The following CCAR2 variants were observed in gnomAD, a reference collection of about 807,000 sequenced individuals.
CCAR2 encodes the protein cell cycle and apoptosis regulator 2, also known as cell cycle and apoptosis regulator protein 2.
In CCAR2, 21 loss-of-function variants were observed where a neutral mutation model predicts 108.1. That is an observed-to-expected ratio of 0.19 (90% confidence interval 0.14 to 0.28). The LOEUF is 0.28. Among genes scored for constraint, CCAR2 ranks in the 10% least tolerant of loss-of-function variants. The pLI, the probability that CCAR2 is intolerant of heterozygous loss-of-function variation, is 1.00. For missense variants in CCAR2, 1,126 were observed against 1,177.0 expected (o/e 0.96, Z 0.63); for synonymous variants, 577 against 472.8 (o/e 1.22, Z -2.86).
chr8:22,618,223 T>A, intron 16 of CCAR2, 126 bp from the exon 17 acceptor site: 1 of 1,278,646 alleles, frequency 7.8e-7, no homozygotes, highest in Non-Finnish European at 1.1e-6. Context: ...CCCCAGCAGC[T>A]GGGACTTCAG....
rs978504351 is a variant in CCAR2 at position 22,619,730 on chromosome 8, G to A, written c.*48G>A. On this transcript the variant is annotated 3_prime_UTR_variant, in exon 21 of 21. Coordinates refer to ENST00000308511, the MANE Select transcript of CCAR2 (RefSeq NM_001393997.1). ...CCTGTGAGGGCAGCGGTGGCGCCCG[G>A]CAAAGTTGGAGCCCTTGCGGTACCA... 2.6e-6 allele frequency: 4 copies of A among 1,545,226 alleles called. No individual in the cohort carries two copies. The highest frequency in any genetic ancestry group is 2.0e-5 in the Admixed American group (1 of 51,178).
chr8:22,611,998 G>A (rs1195178062), intron 7 of CCAR2, among the ~76,000 whole-genome samples: 4 of 151,200 alleles, frequency 2.6e-5, no homozygotes, highest in African/African-American at 9.7e-5. Flanking sequence ...AGGCTGGAGT[G>A]GAATGGCGCG....
chr8:22,612,845 A>C, intron 7 of CCAR2, 172 bp from the exon 8 acceptor site: 1 of 696,152 alleles, frequency 1.4e-6, no homozygotes, highest in Non-Finnish European at 2.2e-6. Context: ...TAAAACAGTA[A>C]ATATCCATTT....
intron 19 of CCAR2, 57 bp from the exon 20 acceptor site, chr8:22,619,093 C>G: frequency 6.3e-7 from 1 of 1,599,178 alleles, no homozygotes. Context: ...TCAGGCCCTG[C>G]CCTGTGCTCT....
downstream of CCAR2, chr8:22,621,433 C>T (rs1178748700): frequency 6.2e-7 from 1 of 1,613,262 alleles, no homozygotes; most frequent in Non-Finnish European, 8.5e-7. Context: ...CAGTCATCGG[C>T]CACAATGGAG....
chr8:22,621,423 C>T (rs1801809407), downstream of CCAR2: 1 of 1,612,468 alleles, frequency 6.2e-7, no homozygotes, highest in South Asian at 1.1e-5. Context: ...GACGGGGATT[C>T]AGTCATCGGC....
rs201363003 is a variant in CCAR2 at position 22,615,839 on chromosome 8, G to T, written c.1535G>T (p.Arg512Leu). 1 of 1,613,940 alleles carries T rather than the reference G, an allele frequency of 6.2e-7. No individual in the cohort carries two copies. Among genetic ancestry groups the T allele is most frequent in the East Asian group, 2.2e-5 (1 of 44,870 alleles). Reference protein sequence around the residue: ...PPPLEPAVIARPGCVNLSLHG... With the variant: ...PPPLEPAVIALPGCVNLSLHG... ...CCCCTAGAACCTGCTGTCATCGCAC[G>T]CCCTGGCTGTGTAAACCTGTCCCTC... Residue 512 changes from arginine (R) to leucine (L), a missense_variant, in exon 13 of 21, where the codon CGC becomes CTC. Physicochemically the swap from Arg to Leu is moderately radical, Grantham distance 102. Transcript: ENST00000308511.
Position 22,606,151 on chromosome 8 carries a change from T to A in CCAR2, c.125T>A (p.Leu42Gln). The A allele has an allele frequency of 6.2e-7, 1 of 1,614,116 alleles. No individual in the cohort carries two copies. The highest frequency in any genetic ancestry group is 8.5e-7 in the Non-Finnish European group (1 of 1,179,932). Reference sequence around the variant, plus strand: ...CTCACTCCTCCTGTGGCCACAGAACTGTCCCAGAATGCCAGGCACCTTCAG... The same window carrying A: ...CTCACTCCTCCTGTGGCCACAGAACAGTCCCAGAATGCCAGGCACCTTCAG... ...GLLTPPVATE[L>Q]SQNARHLQGG... is the part of the protein sequence containing the mutation. Residue 42 changes from leucine (L) to glutamine (Q), a missense_variant, in exon 3 of 21, where the codon CTG (leucine) becomes CAG (glutamine). By Grantham distance (113) the Leu-to-Gln change is moderately radical. Transcript: ENST00000308511.
At chr8:22,605,195 C>T (rs1801019268) in intron 1 of CCAR2, 1 of 185,064 alleles carries the variant, frequency 5.4e-6, no homozygotes, top group Non-Finnish European at 1.2e-5. Flanking sequence ...TTCCCACCAG[C>T]CGGTCGAGGA....
At chr8:22,607,405 G>C in intron 6 of CCAR2, 80 bp downstream of exon 6, 2 of 1,548,662 alleles carry the variant, frequency 1.3e-6, no homozygotes, top group African/African-American at 2.7e-5. Context: ...GCTGCTCTTA[G>C]CATAGAGGTG....
rs200378794 is a variant in CCAR2, at chr8:22,617,478, C to G, written c.1904C>G (p.Pro635Arg). The G allele has an allele frequency of 2.5e-6, 4 of 1,603,932 alleles. No homozygotes were observed. Among genetic ancestry groups the G allele is most frequent in the Non-Finnish European group, 3.4e-6 (4 of 1,175,388 alleles). The change falls in exon 15 of 21, where the codon CCC (proline) becomes CGC (arginine). Residue 635 changes from proline to arginine, a missense_variant. Physicochemically the swap from Pro to Arg is moderately radical, Grantham distance 103. This residue lies in a region of CCAR2 where 1,013 missense variants were observed against 993.9 expected (regional missense o/e 1.02). Transcript: ENST00000308511. ...LSSGGEEEEK[P>R]RGEASEDLCE... ...TCTGGGGGAGAGGAAGAAGAAAAAC[C>G]CCGGGGCGAGGCTTCTGAGGACCTG...
At chr8:22,612,865 T>C (rs1801344184) in intron 7 of CCAR2, 152 bp from the exon 8 acceptor site, 5 of 813,298 alleles carry the variant, frequency 6.1e-6, no homozygotes, top group East Asian at 2.8e-5. Context: ...TTAATATCTT[T>C]ATAACATTCT....
chr8:22,619,732 A>C lies in CCAR2; in HGVS notation c.*50A>C, dbSNP rs371148917. 7 of 1,543,590 alleles carry C rather than the reference A, an allele frequency of 4.5e-6. No individual in the cohort carries two copies. In the Admixed American group the frequency reaches 1.4e-4, roughly 30 times the overall value. ...TGTGAGGGCAGCGGTGGCGCCCGGC[A>C]AAGTTGGAGCCCTTGCGGTACCAGA... On this transcript the variant is annotated 3_prime_UTR_variant, in exon 21 of 21. Transcript: ENST00000308511.
rs771314758 is a variant in CCAR2, at chr8:22,618,911, A to G, written c.2417A>G (p.Asn806Ser). 15 of 1,613,770 alleles carry G rather than the reference A, an allele frequency of 9.3e-6. No individual in the cohort carries two copies. The highest frequency in any genetic ancestry group is 2.2e-5 in the East Asian group (1 of 44,894). Residue 806 changes from asparagine (N) to serine (S), a missense_variant, in exon 19 of 21, where the codon AAT becomes AGT. This residue lies in a region of CCAR2 where 1,013 missense variants were observed against 993.9 expected (regional missense o/e 1.02). Transcript: ENST00000308511. ...GAACACAAAGCCTTGGTGTCCCACA[A>G]TGGCAGCCTGATTAACGTGGGGAGC... ...PTEHKALVSH[N>S]GSLINVGSLL...
In CCAR2 at chr8:22,618,663, A is replaced by C. The variant is rs1585167231; in HGVS notation, c.2267A>C (p.Tyr756Ser). The change falls in exon 18 of 21, where the codon TAC (tyrosine) becomes TCC (serine). Residue 756 changes from tyrosine (Y) to serine (S), a missense_variant. Tyr to Ser is a moderately radical substitution (Grantham distance 144). Transcript: ENST00000308511. ...GTGGTGACCCAGAACATCTGCCAGT[A>C]CCGGAGCCTTCAGTACAGCCGCCAG... is the stretch of plus-strand genomic sequence containing the variant. ...SRVVTQNICQ[Y>S]RSLQYSRQEG... 1 of 1,614,050 alleles carries C rather than the reference A, an allele frequency of 6.2e-7. No individual in the cohort carries two copies. The highest frequency in any genetic ancestry group is 1.1e-5 in the South Asian group (1 of 91,082).
intron 7 of CCAR2, among the ~76,000 whole-genome samples, chr8:22,610,656 C>A (rs1029445022): frequency 1.3e-5 from 2 of 152,226 alleles, no homozygotes; most frequent in African/African-American, 4.8e-5. Flanking sequence ...GATGGAGATG[C>A]TCATGCACAT....
At position 22,615,709 on chromosome 8, in the gene CCAR2, G is replaced by T. The variant is rs147092133; in HGVS notation, c.1405G>T (p.Asp469Tyr). Residue 469 changes from aspartate to tyrosine, a missense_variant, in exon 13 of 21, where the codon GAT becomes TAT. Physicochemically the swap from Asp to Tyr is radical, Grantham distance 160. Around this residue, in one of 4 missense-constraint regions of CCAR2, gnomAD observed 1,013 missense variants for 993.9 expected, o/e 1.02. Transcript: ENST00000308511. ...AACGGAGCCTACTGAACAGGCACCTGATGCCTTGGAGCAAGCAGCAGACAC... is the reference window on the plus strand; with the variant it reads ...AACGGAGCCTACTGAACAGGCACCTTATGCCTTGGAGCAAGCAGCAGACAC... Reference protein sequence around the residue: ...GETEPTEQAPDALEQAADTSR... With the variant: ...GETEPTEQAPYALEQAADTSR... The T allele has an allele frequency of 5.5e-3, 8,886 of 1,613,724 alleles. 36 individuals are homozygous for T. The highest frequency in any genetic ancestry group is 7.1e-3 in the Non-Finnish European group (8,423 of 1,180,012).
Position 22,620,050 on chromosome 8 carries a change from G to T in CCAR2, c.*368G>T. 1 of 257,880 alleles carries T rather than the reference G, an allele frequency of 3.9e-6. No homozygotes were observed. Among genetic ancestry groups the T allele is most frequent in the Non-Finnish European group, 7.7e-6 (1 of 130,044 alleles). The allele number at this position is 257,880 out of a possible 1,614,324, so 16.0% of individuals were successfully genotyped here. A position where few individuals can be genotyped will look rare whatever the true frequency, so the allele number is the denominator to read the frequency against. ...AAAAGGCTTTTCGAGTGTGGGACAA[G>T]GTCTGATGTCAGTGAACGGAACTGA... is the stretch of plus-strand genomic sequence containing the variant. On this transcript the variant is annotated 3_prime_UTR_variant, in exon 21 of 21. Transcript: ENST00000308511.
Position 22,619,156 on chromosome 8 carries a change from G to A in CCAR2, c.2528G>A (p.Ser843Asn). The change falls in exon 20 of 21, where the codon AGC becomes AAC. Residue 843 changes from serine (S) to asparagine (N), a missense_variant. By Grantham distance (46) the Ser-to-Asn change is conservative. Around this residue, in one of 4 missense-constraint regions of CCAR2, gnomAD observed 1,013 missense variants for 993.9 expected, o/e 1.02. Transcript: ENST00000308511. ...TTCCTTCTCCACCTTGCAGAGGAGA[G>A]CCATAACCGTTTCTCAGCCACTGAA... Reference protein sequence around the residue: ...IHTLELKLEESHNRFSATEVT... With the variant: ...IHTLELKLEENHNRFSATEVT... 6.2e-7 allele frequency: 1 copy of A among 1,603,546 alleles called. No individual in the cohort carries two copies. The highest frequency in any genetic ancestry group is 8.5e-7 in the Non-Finnish European group (1 of 1,175,384).
Sources: allele counts gnomAD v4.1 joint callset (sites outside exome capture counted in the v4.1 genomes callset), GRCh38; gene constraint gnomAD v4.1.1; regional missense constraint gnomAD v4.1.1; transcripts MANE v1.5; gene names NCBI Gene and HGNC (gene_info 2026-07-23, HGNC 2026-07-21).